The following ARHGAP24 variants were observed in gnomAD, a reference collection of about 807,000 sequenced individuals.
ARHGAP24 encodes Rho GTPase activating protein 24, also known as rho GTPase-activating protein 24.
ARHGAP24 carries 50 observed loss-of-function variants against 76.4 expected under a neutral mutation model. That is an observed-to-expected ratio of 0.65 (90% CI 0.52 to 0.83). ARHGAP24 has a LOEUF of 0.83. Among genes scored for constraint, ARHGAP24 ranks in the 40% least tolerant of loss-of-function variants. ARHGAP24 has a pLI of 0.00. For missense variants in ARHGAP24, 930 were observed against 914.2 expected (o/e 1.02, Z -0.22); for synonymous variants, 345 against 323.3 (o/e 1.07, Z -0.72).
intron 2 of ARHGAP24, among the ~76,000 whole-genome samples, chr4:85,666,221 A>C (rs1722611466): frequency 1.3e-5 from 2 of 151,990 alleles, no homozygotes; most frequent in African/African-American, 4.8e-5. Context: ...GTTTGTTTTT[A>C]TTCTTTTTTC....
Position 85,827,461 on chromosome 4 carries a change from CGTGTGTGTGTGTGTGTGT to C in ARHGAP24, c.269-96148_269-96131del, listed in dbSNP as rs56379272. Among the ~76,000 whole-genome samples, 184 of 108,712 alleles carry C rather than the reference CGTGTGTGTGTGTGTGTGT, an allele frequency of 1.7e-3. 1 individual carries two copies. The highest frequency in any genetic ancestry group is 4.8e-3 in the Middle Eastern group (1 of 208). 71.3% of individuals were successfully genotyped at this position (108,712 alleles called of 152,430 possible). On this transcript the variant is annotated intron_variant, in intron 3 of 9. Transcript: ENST00000395184. Reference sequence around the variant, plus strand: ...TAGAATAGCTACACTGAAGTCTGCCCGTGTGTGTGTGTGTGTGTGTGTGTGTGTGTGTGTGTGTGTGTG... The same window carrying C: ...TAGAATAGCTACACTGAAGTCTGCCCGTGTGTGTGTGTGTGTGTGTGTGTG...
At chr4:85,903,267 A>C (rs987092452) in intron 3 of ARHGAP24, among the ~76,000 whole-genome samples, 5 of 152,316 alleles carry the variant, frequency 3.3e-5, no homozygotes, top group African/African-American at 1.2e-4. Flanking sequence ...ATCTAAAAAA[A>C]TTTTCTGATA....
intron 2 of ARHGAP24, among the ~76,000 whole-genome samples, chr4:85,644,477 C>T (rs1560566820): frequency 6.6e-6 from 1 of 151,932 alleles, no homozygotes; most frequent in Non-Finnish European, 1.5e-5. Context: ...GCCTGTAATC[C>T]TCTTATAATG....
chr4:85,994,032 CTT>C (rs1268960375), intron 8 of ARHGAP24, among the ~76,000 whole-genome samples: 1 of 152,084 alleles, frequency 6.6e-6, no homozygotes, highest in Non-Finnish European at 1.5e-5. Context: ...GAACAAAAGT[CTT>C]ATGGATTTTC....
intron 1 of ARHGAP24, among the ~76,000 whole-genome samples, chr4:85,524,679 C>T (rs1724913225): frequency 6.6e-6 from 1 of 152,178 alleles, no homozygotes; most frequent in African/African-American, 2.4e-5. Flanking sequence ...TGGAATCTGG[C>T]AGTGACCCTT....
intron 2 of ARHGAP24, among the ~76,000 whole-genome samples, chr4:85,688,335 T>G (rs1723506686): frequency 6.6e-6 from 1 of 152,214 alleles, no homozygotes; most frequent in Non-Finnish European, 1.5e-5. Context: ...TGATAATGAA[T>G]ATTTTTTCAT....
At chr4:85,896,349 A>AAGGGAAGGG (rs1734178991) in intron 3 of ARHGAP24, among the ~76,000 whole-genome samples, 1 of 152,206 alleles carries the variant, frequency 6.6e-6, no homozygotes, top group South Asian at 2.1e-4. Context: ...CCTGATCTTG[A>AAGGGAAGGG]ATAAAACTGC....
chr4:85,817,453 A>G (rs1729290601), intron 3 of ARHGAP24, among the ~76,000 whole-genome samples: 1 of 152,158 alleles, frequency 6.6e-6, no homozygotes, highest in South Asian at 2.1e-4. Flanking sequence ...TTAAGGGTCC[A>G]ATTTCATTTT....
chr4:85,769,479 TAAAG>T (rs1289489641), intron 3 of ARHGAP24, among the ~76,000 whole-genome samples: 5 of 152,306 alleles, frequency 3.3e-5, no homozygotes, highest in South Asian at 2.1e-4. Context: ...AAAAATGGAA[TAAAG>T]AAAGATAATG....
intron 3 of ARHGAP24, among the ~76,000 whole-genome samples, chr4:85,890,779 C>G (rs2175309): frequency 0.35 from 52,491 of 151,960 alleles, 9,903 homozygotes; most frequent in Non-Finnish European, 0.43. Flanking sequence ...GGGACCTTAT[C>G]CTCTCTGAGG....
chr4:85,776,481 G>C (rs766308086), intron 3 of ARHGAP24, among the ~76,000 whole-genome samples: 5 of 152,156 alleles, frequency 3.3e-5, no homozygotes, highest in African/African-American at 4.8e-5. Context: ...AAAATGTTGT[G>C]CCGTTTTAGA....
At chr4:85,758,642 G>T (rs1726617892) in intron 3 of ARHGAP24, among the ~76,000 whole-genome samples, 1 of 152,208 alleles carries the variant, frequency 6.6e-6, no homozygotes, top group African/African-American at 2.4e-5. Context: ...TGGGTGCGTT[G>T]GAGGAAGGCA....
intron 2 of ARHGAP24, among the ~76,000 whole-genome samples, chr4:85,678,540 A>G (rs1290101935): frequency 6.6e-6 from 1 of 152,220 alleles, no homozygotes; most frequent in East Asian, 1.9e-4. Context: ...TTAAAACAAG[A>G]GCCAAATAAT....
At chr4:85,722,122 T>C (rs988471449) in intron 3 of ARHGAP24, 150 bp downstream of exon 3, 9 of 676,262 alleles carry the variant, frequency 1.3e-5, no homozygotes, top group African/African-American at 1.8e-5. Flanking sequence ...TGACTGCAGG[T>C]TTATATACTA....
intron 3 of ARHGAP24, among the ~76,000 whole-genome samples, chr4:85,768,293 A>G (rs1035422124): frequency 4.6e-5 from 7 of 152,228 alleles, no homozygotes; most frequent in African/African-American, 1.7e-4. Context: ...CAAGTACCCA[A>G]TGCTGTGCAT....
At chr4:85,522,020 A>G (rs1194934213) in intron 1 of ARHGAP24, among the ~76,000 whole-genome samples, 1 of 152,210 alleles carries the variant, frequency 6.6e-6, no homozygotes, top group African/African-American at 2.4e-5. Flanking sequence ...TTTAAAAAAC[A>G]GGAAATAGTA....
At chr4:85,699,410 A>G (rs1723985176) in intron 2 of ARHGAP24, among the ~76,000 whole-genome samples, 2 of 152,152 alleles carry the variant, frequency 1.3e-5, no homozygotes, top group African/African-American at 2.4e-5. Context: ...CCTGGTCAAC[A>G]TAGTGATATC....
chr4:85,870,562 C>T (rs2110190252), intron 3 of ARHGAP24, among the ~76,000 whole-genome samples: 1 of 152,184 alleles, frequency 6.6e-6, no homozygotes, highest in South Asian at 2.1e-4. Context: ...CATTAAATTC[C>T]ATTAGTTAGT....
chr4:85,651,297 T>A (rs1311698134), intron 2 of ARHGAP24, among the ~76,000 whole-genome samples: 2 of 149,206 alleles, frequency 1.3e-5, no homozygotes, highest in African/African-American at 5.2e-5. Flanking sequence ...AGCATAGATT[T>A]GGGGGTGTTG....
Sources: allele counts gnomAD v4.1 joint callset (sites outside exome capture counted in the v4.1 genomes callset), GRCh38; gene constraint gnomAD v4.1.1; transcripts MANE v1.5; gene names NCBI Gene and HGNC (gene_info 2026-07-23, HGNC 2026-07-21).